The following PCCA variants were observed in gnomAD, a reference collection of about 807,000 sequenced individuals.
PCCA encodes propionyl-CoA carboxylase subunit alpha, also known as propionyl-CoA carboxylase alpha chain, mitochondrial.
In PCCA, 74 loss-of-function variants were observed where a neutral mutation model predicts 101.3. The ratio of observed to expected loss-of-function variants is 0.73; its 90% CI spans 0.61 to 0.89. PCCA has a LOEUF of 0.89. Ranked by LOEUF, PCCA falls within the 40% of genes least tolerant of loss-of-function variation. The probability of loss-of-function intolerance (pLI) is 0.00; values close to 1 mark genes in which losing one functional copy is unlikely to be tolerated. For synonymous variants in PCCA, 294 were observed against 313.6 expected (o/e 0.94, Z 0.66); for missense variants, 891 against 907.0 (o/e 0.98, Z 0.23).
chr13:100,166,811 A>G (rs1827247742), intron 6 of PCCA, among the ~76,000 whole-genome samples: 1 of 151,994 alleles, frequency 6.6e-6, no homozygotes, highest in Non-Finnish European at 1.5e-5. Context: ...GATCATTTGT[A>G]TGTTTTATCT....
chr13:100,275,321 C>T (rs796526753), intron 12 of PCCA, among the ~76,000 whole-genome samples: 16 of 152,162 alleles, frequency 1.1e-4, no homozygotes, highest in African/African-American at 3.6e-4. Flanking sequence ...TTCGCTGTGC[C>T]GTGGCGGTAG....
intron 6 of PCCA, among the ~76,000 whole-genome samples, chr13:100,191,708 C>T (rs1481875407): frequency 6.6e-6 from 1 of 152,200 alleles, no homozygotes; most frequent in African/African-American, 2.4e-5. Flanking sequence ...TGAGGGGTTA[C>T]AGTTGGTGTC....
At chr13:100,252,102 A>T (rs1022029062) in intron 8 of PCCA, among the ~76,000 whole-genome samples, 4 of 152,160 alleles carry the variant, frequency 2.6e-5, no homozygotes, top group African/African-American at 9.7e-5. Context: ...AGCAACTTTC[A>T]TCTGGGGATT....
chr13:100,252,879 C>A (rs934959051), intron 8 of PCCA, among the ~76,000 whole-genome samples: 1 of 152,170 alleles, frequency 6.6e-6, no homozygotes, highest in African/African-American at 2.4e-5. Context: ...ACCATTCATT[C>A]ATTGCACAGC....
chr13:100,266,913 T>A (rs2062976572), intron 10 of PCCA, among the ~76,000 whole-genome samples: 1 of 152,192 alleles, frequency 6.6e-6, no homozygotes, highest in African/African-American at 2.4e-5. Context: ...ATAAAATTTT[T>A]AAAAAACTCA....
chr13:100,433,503 GT>G (rs796101301), intron 20 of PCCA, among the ~76,000 whole-genome samples: 1,527 of 146,210 alleles, frequency 0.01, 25 homozygotes, highest in African/African-American at 0.033. Context: ...TCTTAGAGCT[GT>G]TTTTTTTTTT....
intron 19 of PCCA, among the ~76,000 whole-genome samples, chr13:100,422,109 T>C (rs1348662080): frequency 1.4e-5 from 2 of 145,686 alleles, no homozygotes; most frequent in Admixed American, 6.9e-5. Context: ...TTTCTTTCTT[T>C]CTTTCTTTCT....
chr13:100,127,735 A>T (rs373119620), intron 4 of PCCA, among the ~76,000 whole-genome samples: 1 of 152,200 alleles, frequency 6.6e-6, no homozygotes, highest in East Asian at 1.9e-4. Context: ...TACTAAAAAT[A>T]CAAAAAGTTA....
At chr13:100,138,784 A>C (rs2051484809) in intron 4 of PCCA, among the ~76,000 whole-genome samples, 1 of 151,904 alleles carries the variant, frequency 6.6e-6, no homozygotes, top group South Asian at 2.1e-4. Flanking sequence ...ACTACAAAAA[A>C]ATTAGCCAGG....
intron 12 of PCCA, among the ~76,000 whole-genome samples, chr13:100,295,537 C>T (rs2065460809): frequency 6.6e-6 from 1 of 152,200 alleles, no homozygotes; most frequent in Non-Finnish European, 1.5e-5. Context: ...AAAATTTCAG[C>T]ATTCTCTCAC....
At chr13:100,426,415 C>T (rs1224075301) in intron 20 of PCCA, among the ~76,000 whole-genome samples, 2 of 151,724 alleles carry the variant, frequency 1.3e-5, no homozygotes, top group Admixed American at 6.6e-5. Flanking sequence ...AAATCTAGCC[C>T]CACCCATAGC....
chr13:100,292,581 T>C (rs1459952676), intron 12 of PCCA, among the ~76,000 whole-genome samples: 1 of 152,228 alleles, frequency 6.6e-6, no homozygotes, highest in Non-Finnish European at 1.5e-5. Flanking sequence ...ACATTTTTAC[T>C]CTTACTGTTG....
intron 22 of PCCA, among the ~76,000 whole-genome samples, chr13:100,518,958 A>C (rs1393326521): frequency 6.6e-6 from 1 of 152,246 alleles, no homozygotes; most frequent in Non-Finnish European, 1.5e-5. Flanking sequence ...TCCACATGTC[A>C]AATTAGACTT....
intron 6 of PCCA, among the ~76,000 whole-genome samples, chr13:100,163,009 G>A (rs9513735): frequency 6.6e-6 from 1 of 152,072 alleles, no homozygotes; most frequent in East Asian, 1.9e-4. Flanking sequence ...TTGGCTTAAG[G>A]TCAGCTTTTA....
At chr13:100,482,775 C>T (rs758231518) in intron 21 of PCCA, among the ~76,000 whole-genome samples, 2 of 152,110 alleles carry the variant, frequency 1.3e-5, no homozygotes, top group Non-Finnish European at 2.9e-5. Flanking sequence ...AATCCCAGCA[C>T]TTTGGGAGGT....
chr13:100,436,822 T>C (rs2079971366), intron 20 of PCCA, among the ~76,000 whole-genome samples: 1 of 152,198 alleles, frequency 6.6e-6, no homozygotes, highest in Admixed American at 6.5e-5. Flanking sequence ...CATTATAGAA[T>C]GTTTTGCTGA....
chr13:100,175,078 T>C (rs2056111460), intron 6 of PCCA, among the ~76,000 whole-genome samples: 4 of 152,172 alleles, frequency 2.6e-5, no homozygotes, highest in South Asian at 2.1e-4. Context: ...AGTAAATGAG[T>C]CCTTGCTTAT....
At position 100,367,481 on chromosome 13, in the gene PCCA, G is replaced by T. The variant is rs1010754771; in HGVS notation, c.1644-991G>T. The stretch of plus-strand genomic sequence containing the variant: ...GAACTCATAAGTCATTTAGGGTTTT[G>T]TGTGTGTGTGTGTGTGTGAATGTGC... On this transcript the variant is annotated intron_variant, in intron 18 of 23. Transcript: ENST00000376285. Among the ~76,000 whole-genome samples the T allele has an allele frequency of 2.8e-5, 4 of 141,190 alleles. No homozygotes were observed. The South Asian group carries it at 6.4e-4, about 22-fold the overall frequency. The allele number at this position is 141,190 out of a possible 152,430, so 92.6% of individuals were successfully genotyped here.
intron 1 of PCCA, among the ~76,000 whole-genome samples, chr13:100,095,780 G>A (rs2046715068): frequency 6.6e-6 from 1 of 152,160 alleles, no homozygotes; most frequent in Admixed American, 6.5e-5. Flanking sequence ...TGGGTAGGCG[G>A]GACAGAGTCA....
Sources: gnomAD v4.1 joint callset for allele counts (sites outside exome capture counted in the v4.1 genomes callset) on GRCh38, gnomAD v4.1.1 for gene constraint, MANE v1.5 for transcripts, NCBI Gene and HGNC (gene_info 2026-07-23, HGNC 2026-07-21) for gene names.